TRPM5: variants seen among roughly 807,000 people sequenced by gnomAD.
The protein encoded by TRPM5 is transient receptor potential cation channel subfamily M member 5, also known as MLSN1 and TRP-related.
TRPM5 carries 121 observed loss-of-function variants against 124.9 expected under a neutral mutation model. That is an observed-to-expected ratio of 0.97 (90% CI 0.84 to 1.13). The LOEUF (loss-of-function observed/expected upper bound fraction) is 1.13, where lower values mean the gene tolerates loss of function less well. Among genes scored for constraint, TRPM5 ranks in the 50% most tolerant of loss-of-function variants. The probability of loss-of-function intolerance (pLI) is 0.00; values close to 1 mark genes in which losing one functional copy is unlikely to be tolerated. For synonymous variants in TRPM5, 781 were observed against 700.5 expected (o/e 1.11, Z -1.81); for missense variants, 1,643 against 1,589.1 (o/e 1.03, Z -0.58).
chr11:2,410,486 C>T (rs1381335958), intron 18 of TRPM5, among the ~76,000 whole-genome samples: 3 of 152,154 alleles, frequency 2.0e-5, no homozygotes, highest in African/African-American at 7.2e-5. Context: ...CTCGAGGGCC[C>T]CAGGGGCGGG....
chr11:2,443,085 A>G, the TRPM5 span, among the ~76,000 whole-genome samples: 1 of 152,180 alleles, frequency 6.6e-6, no homozygotes, highest in Non-Finnish European at 1.5e-5. This position sits in a 1 kb window ranked among gnomAD's most constrained non-coding sequence, Gnocchi z 5.0. Flanking sequence ...TTCAAGTCAT[A>G]GTTGGAAATG....
At chr11:2,404,684 C>T (rs112725656) in exon 24 of TRPM5, 162 of 518,166 alleles carry the variant, frequency 3.1e-4, no homozygotes, top group Non-Finnish European at 4.5e-4. Context: ...CGGTGGGGCA[C>T]GTTTTCTGCC....
At chr11:2,414,750 G>T (rs1291205187) in exon 11 of TRPM5, 6 of 1,547,076 alleles carry the variant, frequency 3.9e-6, no homozygotes, top group Non-Finnish European at 4.4e-6. Context: ...CTCGCGCGTG[G>T]CTCGGGCCGC....
the TRPM5 span, among the ~76,000 whole-genome samples, chr11:2,436,047 G>T: frequency 6.6e-6 from 1 of 152,242 alleles, no homozygotes; most frequent in Admixed American, 6.5e-5. Context: ...TCGAGGCCAG[G>T]AGCCTCACCT....
At chr11:2,443,271 C>T in the TRPM5 span, among the ~76,000 whole-genome samples, 4 of 152,166 alleles carry the variant, frequency 2.6e-5, no homozygotes, top group Non-Finnish European at 5.9e-5. The surrounding 1 kb of genome is among the most constrained non-coding windows in gnomAD (Gnocchi z 5.0). Context: ...GTTGTCCAAA[C>T]GCTGCTTATT....
chr11:2,417,669 G>A (rs993643577), intron 7 of TRPM5, 58 bp downstream of exon 12: 20 of 1,408,440 alleles, frequency 1.4e-5, no homozygotes, highest in South Asian at 5.0e-5. Context: ...ACCCCAAAGC[G>A]GCTCTGAGCA....
At chr11:2,406,934 G>T in intron 20 of TRPM5, 141 bp from the exon 26 acceptor site, 1 of 1,376,140 alleles carries the variant, frequency 7.3e-7, no homozygotes, top group Non-Finnish European at 9.7e-7. Context: ...GCATGGCCCT[G>T]TGCAAGGACG....
At chr11:2,426,496 C>T (rs1845841443), upstream of TRPM5, among the ~76,000 whole-genome samples, 1 of 152,098 alleles carries the variant, frequency 6.6e-6, no homozygotes, top group Non-Finnish European at 1.5e-5. Flanking sequence ...TGACCCCTGG[C>T]CAGAAGTCCA....
intron 12 of TRPM5, 52 bp downstream of exon 17, chr11:2,414,009 G>GGGCGCCCCCCCCCCCCCCCCCCC: frequency 9.8e-7 from 1 of 1,023,728 alleles, no homozygotes; most frequent in Non-Finnish European, 1.4e-6. Context: ...GGCCCAGCTC[G>GGGCGCCCCCCCCCCCCCCCCCCC]CCCGCCCACC....
At chr11:2,434,206 C>G in the TRPM5 span, among the ~76,000 whole-genome samples, 1 of 144,424 alleles carries the variant, frequency 6.9e-6, no homozygotes, top group Non-Finnish European at 1.5e-5. Flanking sequence ...GTATGTGCAC[C>G]ATGTGTGTCT....
At position 2,422,205 on chromosome 11, in the gene TRPM5, G is replaced by A. The variant is rs764325262; in HGVS notation, c.234C>T (p.Phe78=). Residue 78 remains phenylalanine, a synonymous_variant, in exon 2 of 24, where the codon TTC becomes TTT. Coordinates refer to ENST00000155858, the Ensembl canonical transcript of TRPM5. ...CATCCCGCAGCCAGGACTTCATGGC[G>A]AAAGGCTGCTCCTCACCCACCAGGG... The A allele has an allele frequency of 1.2e-5, 20 of 1,612,332 alleles. No individual in the cohort carries two copies. The East Asian group carries it at 1.3e-4, about 11-fold the overall frequency.
chr11:2,422,213 G>C, exon 2 of TRPM5: 1 of 1,612,502 alleles, frequency 6.2e-7, no homozygotes, highest in East Asian at 2.2e-5. Context: ...GCGAAAGGCT[G>C]CTCCTCACCC....
intron 15 of TRPM5, among the ~76,000 whole-genome samples, 193 bp downstream of exon 20, chr11:2,412,561 T>G (rs986526769): frequency 6.6e-6 from 1 of 152,256 alleles, no homozygotes; most frequent in African/African-American, 2.4e-5. Flanking sequence ...ATGGTCATGC[T>G]CAGTCTGGAG....
chr11:2,421,996 ATTGCCTGTGCCGGGTGGGGGG>A, intron 2 of TRPM5, 124 bp downstream of exon 7: 1 of 709,410 alleles, frequency 1.4e-6, no homozygotes. Flanking sequence ...GGGTGGGAGC[ATTGCCTGTGCCGGGTGGGGGG>A]ACAGTCAGGG....
At chr11:2,432,760 G>A in the TRPM5 span, among the ~76,000 whole-genome samples, 1 of 152,266 alleles carries the variant, frequency 6.6e-6, no homozygotes, top group Non-Finnish European at 1.5e-5. Flanking sequence ...CCATGCCAGT[G>A]TGGTGGGCGC....
Position 2,405,611 on chromosome 11 carries a change from G to T in TRPM5, c.3325-18C>A. The T allele has an allele frequency of 1.3e-6, 2 of 1,554,804 alleles. No homozygotes were observed. The highest frequency in any genetic ancestry group is 1.7e-6 in the Non-Finnish European group (2 of 1,148,742). Reference sequence around the variant, plus strand: ...TAGTTGATCTGGAGAAGGGAAACACGTCCGGGAAGCTCCAGGGCTCTCTCA... The same window carrying T: ...TAGTTGATCTGGAGAAGGGAAACACTTCCGGGAAGCTCCAGGGCTCTCTCA... On this transcript the variant is annotated intron_variant, in intron 22 of 23. Coordinates refer to ENST00000155858, the Ensembl canonical transcript of TRPM5.
At position 2,413,162 on chromosome 11, in the gene TRPM5, T is replaced by C. The variant is rs1184006496; in HGVS notation, c.2068A>G (p.Lys690Glu). 2 of 1,553,302 alleles carry C rather than the reference T, an allele frequency of 1.3e-6. No homozygotes were observed. The highest frequency in any genetic ancestry group is 4.8e-5 in the East Asian group (2 of 41,512). The change falls in exon 14 of 24, where the codon AAG becomes GAG. Residue 690 changes from lysine to glutamate, a missense_variant. Physicochemically the swap from Lys to Glu is moderately conservative, Grantham distance 56. Coordinates refer to ENST00000155858, the Ensembl canonical transcript of TRPM5. ...CTCTGCAGGCCATACAGCGGGCTCT[T>C]CTCCGTGTCCAGGCTGTCCAGGTCC...
the TRPM5 span, among the ~76,000 whole-genome samples, chr11:2,441,684 G>A: frequency 2.6e-5 from 4 of 151,976 alleles, no homozygotes; most frequent in Non-Finnish European, 4.4e-5. This position sits in a 1 kb window ranked among gnomAD's most constrained non-coding sequence, Gnocchi z 7.2. Flanking sequence ...CCTCCCTAGT[G>A]AGTTATTAGA....
At chr11:2,417,706 G>GGGCCCCCCCC in intron 7 of TRPM5, 21 bp downstream of exon 12, 1 of 1,087,304 alleles carries the variant, frequency 9.2e-7, no homozygotes, top group Non-Finnish European at 1.4e-6. Flanking sequence ...CGCCTGCCTT[G>GGGCCCCCCCC]CCCACCCTGC....
Sources: allele counts gnomAD v4.1 joint callset (sites outside exome capture counted in the v4.1 genomes callset), GRCh38; gene constraint gnomAD v4.1.1; non-coding constraint Gnocchi (gnomAD v3.1); transcripts MANE v1.5; gene names NCBI Gene and HGNC (gene_info 2026-07-23, HGNC 2026-07-21).